SH3RF3: variants seen among roughly 807,000 people sequenced by gnomAD.
The protein encoded by SH3RF3 is SH3 domain containing ring finger 3.
Under a neutral mutation model 66.3 loss-of-function variants are expected in SH3RF3, and 29 were observed. The ratio of observed to expected loss-of-function variants is 0.44; its 90% CI spans 0.33 to 0.60. The LOEUF is 0.60. Among genes scored for constraint, SH3RF3 ranks in the 20% least tolerant of loss-of-function variants. The probability of loss-of-function intolerance (pLI) is 0.04; values close to 1 mark genes in which losing one functional copy is unlikely to be tolerated. For missense variants in SH3RF3, 1,194 were observed against 1,190.9 expected, an observed-to-expected ratio of 1.00 and a Z score of -0.04; for synonymous variants, 583 against 532.0, an observed-to-expected ratio of 1.10 and a Z score of -1.32.
chr2:109,419,876 G>C (rs1481670929), intron 5 of SH3RF3, among the ~76,000 whole-genome samples: 1 of 152,248 alleles, frequency 6.6e-6, no homozygotes, highest in Non-Finnish European at 1.5e-5. Context: ...AGGATATTCA[G>C]AGTATTCACA....
intron 1 of SH3RF3, among the ~76,000 whole-genome samples, chr2:109,339,466 G>A (rs1192668359): frequency 6.6e-6 from 1 of 152,080 alleles, no homozygotes; most frequent in African/African-American, 2.4e-5. Context: ...CCAGTGCAAG[G>A]CCCCATTGAC....
chr2:109,338,919 C>T (rs1682491098), intron 1 of SH3RF3, among the ~76,000 whole-genome samples: 1 of 111,128 alleles, frequency 9.0e-6, no homozygotes, highest in Non-Finnish European at 1.8e-5. Context: ...ACTGATAACA[C>T]AAACAGTTGA....
At chr2:109,201,699 C>T (rs1038258860) in intron 1 of SH3RF3, among the ~76,000 whole-genome samples, 8 of 152,204 alleles carry the variant, frequency 5.3e-5, no homozygotes, top group Middle Eastern at 3.2e-3. Context: ...GCATGGGAAA[C>T]GCTGCGCCTT....
At chr2:109,355,122 C>G (rs1004058119) in intron 2 of SH3RF3, among the ~76,000 whole-genome samples, 6 of 152,222 alleles carry the variant, frequency 3.9e-5, no homozygotes, top group Middle Eastern at 3.4e-3. Flanking sequence ...GGTGTATTTT[C>G]AAAACTTGGA....
chr2:109,145,469 G>A (rs569597931), intron 1 of SH3RF3, among the ~76,000 whole-genome samples: 4 of 152,258 alleles, frequency 2.6e-5, no homozygotes, highest in South Asian at 2.1e-4. Context: ...CTGTCTGTCC[G>A]TGAGGGAATG....
intron 1 of SH3RF3, among the ~76,000 whole-genome samples, chr2:109,333,146 TTG>T (rs1214288176): frequency 6.6e-6 from 1 of 152,212 alleles, no homozygotes; most frequent in Non-Finnish European, 1.5e-5. Flanking sequence ...AGTCCCAGGG[TTG>T]ATCTTGCTCG....
At chr2:109,436,366 G>A (rs1362920350) in intron 6 of SH3RF3, among the ~76,000 whole-genome samples, 1 of 152,200 alleles carries the variant, frequency 6.6e-6, no homozygotes, top group African/African-American at 2.4e-5. Flanking sequence ...CGGAGTGAAA[G>A]GGCATCTATT....
chr2:109,492,898 C>T (rs1679166198), intron 9 of SH3RF3, among the ~76,000 whole-genome samples: 1 of 152,082 alleles, frequency 6.6e-6, no homozygotes. Context: ...CACTGCCATG[C>T]CAGTCCCAGC....
At chr2:109,309,376 G>A (rs893210623) in intron 1 of SH3RF3, among the ~76,000 whole-genome samples, 15 of 147,686 alleles carry the variant, frequency 1.0e-4, no homozygotes, top group African/African-American at 3.7e-4. Flanking sequence ...AGGAACAACC[G>A]GTACCAGCTG....
intron 3 of SH3RF3, among the ~76,000 whole-genome samples, chr2:109,390,177 C>A (rs547360516): frequency 6.6e-6 from 1 of 152,216 alleles, no homozygotes; most frequent in Non-Finnish European, 1.5e-5. Context: ...AGAGAGACTT[C>A]CCTTGTGGCA....
chr2:109,453,087 C>T (rs568621576), intron 8 of SH3RF3, among the ~76,000 whole-genome samples: 20 of 152,254 alleles, frequency 1.3e-4, no homozygotes, highest in Non-Finnish European at 2.4e-4. Flanking sequence ...CTGCGTGGCC[C>T]GATGTGGTGT....
chr2:109,304,710 G>A (rs1361991721), intron 1 of SH3RF3, among the ~76,000 whole-genome samples: 1 of 152,218 alleles, frequency 6.6e-6, no homozygotes, highest in Non-Finnish European at 1.5e-5. Context: ...AGTGCTTGGT[G>A]CTAGTGACCA....
At chr2:109,182,245 A>G (rs1015472780) in intron 1 of SH3RF3, among the ~76,000 whole-genome samples, 5 of 152,196 alleles carry the variant, frequency 3.3e-5, no homozygotes, top group African/African-American at 1.2e-4. Context: ...GCATTTGGTG[A>G]GAGTCATCCC....
At chr2:109,329,868 T>C (rs187223594) in intron 1 of SH3RF3, among the ~76,000 whole-genome samples, 6 of 152,344 alleles carry the variant, frequency 3.9e-5, no homozygotes, top group East Asian at 1.9e-4. Context: ...ATAAAAGTTA[T>C]ATGAATGTGA....
intron 5 of SH3RF3, among the ~76,000 whole-genome samples, chr2:109,421,119 TG>T (rs1386875294): frequency 5.9e-5 from 9 of 152,006 alleles, no homozygotes; most frequent in African/African-American, 2.2e-4. Flanking sequence ...CATGGAAAAG[TG>T]GGGGGTGATG....
intron 8 of SH3RF3, among the ~76,000 whole-genome samples, chr2:109,463,633 G>A (rs1659386665): frequency 6.6e-6 from 1 of 152,180 alleles, no homozygotes; most frequent in South Asian, 2.1e-4. Flanking sequence ...GAAGCAATGG[G>A]GAAGAAGCCA....
At chr2:109,277,784 A>G (rs1680791722) in intron 1 of SH3RF3, among the ~76,000 whole-genome samples, 3 of 152,150 alleles carry the variant, frequency 2.0e-5, no homozygotes, top group African/African-American at 4.8e-5. Flanking sequence ...TTACTTGGAA[A>G]ATTAAGTTCT....
chr2:109,490,796 C>T lies in SH3RF3; in HGVS notation c.2340C>T (p.Ser780=), dbSNP rs1014610056. The change falls in exon 9 of 10, where the codon AGC becomes AGT. Residue 780 remains serine (S), a synonymous_variant. Coordinates refer to ENST00000309415, the MANE Select transcript of SH3RF3 (RefSeq NM_001099289.3). Reference sequence around the variant, plus strand: ...GGGCAGGGTCCTGCCCCATAGAGAGCGAGATGCAGGGTGCCATGGGGATGG... The same window carrying T: ...GGGCAGGGTCCTGCCCCATAGAGAGTGAGATGCAGGGTGCCATGGGGATGG... The part of the protein sequence containing the change: ...HGRAGSCPIE[S]EMQGAMGMEP... The T allele has an allele frequency of 3.9e-6, 6 of 1,536,866 alleles. No homozygotes were observed. The highest frequency in any genetic ancestry group is 2.4e-5 in the East Asian group (1 of 40,888).
intron 4 of SH3RF3, among the ~76,000 whole-genome samples, chr2:109,408,629 A>G (rs1452546681): frequency 6.6e-6 from 1 of 152,242 alleles, no homozygotes; most frequent in Admixed American, 6.5e-5. Context: ...CTCTCTGTAC[A>G]GGCAATGCCC....
Sources: allele counts gnomAD v4.1 joint callset (sites outside exome capture counted in the v4.1 genomes callset), GRCh38; gene constraint gnomAD v4.1.1; transcripts MANE v1.5; gene names NCBI Gene and HGNC (gene_info 2026-07-23, HGNC 2026-07-21).